The following LRRC51 variants were observed in gnomAD, a reference collection of about 807,000 sequenced individuals.
LRRC51 encodes leucine rich repeat containing 51.
A neutral mutation model predicts 17.8 loss-of-function variants in LRRC51; 8 were observed. The observed-to-expected ratio is 0.45, with a 90% CI of 0.26 to 0.81. LRRC51 has a LOEUF of 0.81. LRRC51 is among the 30% of genes least tolerant of loss of function. The pLI, the probability that LRRC51 is intolerant of heterozygous loss-of-function variation, is 0.17. For missense variants in LRRC51, 233 were observed against 239.3 expected (o/e 0.97, Z 0.17); for synonymous variants, 92 against 96.0 (o/e 0.96, Z 0.24).
chr11:72,092,943 T>C (rs1944947643), intron 3 of LRRC51, among the ~76,000 whole-genome samples: 1 of 152,234 alleles, frequency 6.6e-6, no homozygotes, highest in Non-Finnish European at 1.5e-5. Flanking sequence ...ATCTTGCCCA[T>C]ATAAGCTCCT....
chr11:72,094,284 CAAAA>C (rs1280494529), intron 4 of LRRC51, among the ~76,000 whole-genome samples: 1 of 81,308 alleles, frequency 1.2e-5, no homozygotes, highest in African/African-American at 4.4e-5. Context: ...GACTCCGTCT[CAAAA>C]AAAAAAAAAA....
At chr11:72,081,247 C>G (rs913359554) in intron 1 of LRRC51, among the ~76,000 whole-genome samples, 1 of 152,160 alleles carries the variant, frequency 6.6e-6, no homozygotes, top group African/African-American at 2.4e-5. Flanking sequence ...ATGGCGAACC[C>G]TGTCTCTACC....
chr11:72,084,048 G>A (rs1217575411), intron 1 of LRRC51, among the ~76,000 whole-genome samples: 1 of 152,206 alleles, frequency 6.6e-6, no homozygotes, highest in African/African-American at 2.4e-5. Flanking sequence ...CCAGACTGGA[G>A]TGCAGTGGCA....
intron 3 of LRRC51, chr11:72,089,661 G>C: frequency 3.2e-5 from 33 of 1,031,216 alleles, no homozygotes; most frequent in Non-Finnish European, 3.5e-5. Context: ...AACATGAGGG[G>C]TCTTATCTAC....
At chr11:72,084,823 C>T (rs1299113269) in intron 1 of LRRC51, among the ~76,000 whole-genome samples, 10 of 116,346 alleles carry the variant, frequency 8.6e-5, no homozygotes, top group African/African-American at 3.5e-4. Flanking sequence ...CACAACAGAG[C>T]GAGACCTTGT....
intron 3 of LRRC51, among the ~76,000 whole-genome samples, chr11:72,091,979 G>A (rs1944890449): frequency 6.6e-6 from 1 of 152,164 alleles, no homozygotes; most frequent in Non-Finnish European, 1.5e-5. Flanking sequence ...GGACTTCTAA[G>A]TTGCCAAAAT....
intron 4 of LRRC51, 130 bp downstream of exon 4, chr11:72,093,831 A>T (rs1945002513): frequency 2.2e-6 from 2 of 903,188 alleles, no homozygotes. Flanking sequence ...GCACAAGGCT[A>T]GGGGGCCAGA....
At position 72,095,513 on chromosome 11, in the gene LRRC51, C is replaced by T. The variant is rs1275930482; in HGVS notation, c.572C>T (p.Thr191Ile). The T allele has an allele frequency of 6.2e-7, 1 of 1,613,790 alleles. No individual in the cohort carries two copies. Among genetic ancestry groups the T allele is most frequent in the East Asian group, 2.2e-5 (1 of 44,866 alleles). Residue 191 changes from threonine to isoleucine, a missense_variant, in exon 6 of 6, where the codon ACA (threonine) becomes ATA (isoleucine). By Grantham distance (89) the Thr-to-Ile change is moderately conservative (BLOSUM62 -1). Transcript: ENST00000289488. ...KPKKAWTKQN[T>I]L is the part of the protein sequence containing the mutation. ...AAGAAGGCCTGGACCAAGCAGAATA[C>T]ACTTTGAGGCTCCCACGACCCTAGT...
chr11:72,087,023 TAA>T lies in LRRC51; in HGVS notation c.-139-1271_-139-1270del, dbSNP rs560186295. ...GTTGTCTGCCTGTAGATTTAATATC[TAA>T]AAGATTCAAGTCTCCCTAATTGACA... On this transcript the variant is annotated intron_variant, in intron 1 of 5. Transcript: ENST00000289488. Among the ~76,000 whole-genome samples the T allele has an allele frequency of 7.9e-5, 12 of 152,334 alleles. No individual in the cohort carries two copies. In the South Asian group the frequency reaches 2.1e-3, roughly 26 times the overall value.
intron 1 of LRRC51, 140 bp downstream of exon 1, chr11:72,081,025 A>G (rs3018301): frequency 0.81 from 123,647 of 152,732 alleles, 52,201 homozygotes; most frequent in Non-Finnish European, 0.94. Context: ...CACCTTTCAC[A>G]GCGAACAAGA....
intron 3 of LRRC51, 27 bp downstream of exon 3, chr11:72,089,192 C>A (rs781154532): frequency 1.9e-6 from 3 of 1,614,018 alleles, no homozygotes; most frequent in South Asian, 2.2e-5. Context: ...CAGTACTCCA[C>A]TCACTAAGGC....
In LRRC51 at chr11:72,095,586, T is replaced by C; in HGVS notation, c.*66T>C. On this transcript the variant is annotated 3_prime_UTR_variant, in exon 6 of 6. Coordinates refer to ENST00000289488, the MANE Select transcript of LRRC51 (RefSeq NM_145309.6). ...ACAGCATGGTTTGACAATAAATAATTTGAGCTGTTGAGCAGATGAGAAGTC... is the reference window on the plus strand; with the variant it reads ...ACAGCATGGTTTGACAATAAATAATCTGAGCTGTTGAGCAGATGAGAAGTC... 1.3e-6 allele frequency: 2 copies of C among 1,571,784 alleles called. No homozygotes were observed. Among genetic ancestry groups the C allele is most frequent in the Admixed American group, 3.8e-5 (2 of 53,178 alleles).
intron 3 of LRRC51, among the ~76,000 whole-genome samples, chr11:72,092,147 G>T (rs1014056888): frequency 1.3e-4 from 20 of 151,964 alleles, no homozygotes; most frequent in Admixed American, 5.2e-4. Flanking sequence ...CTCTCCCTGA[G>T]GAATCTCATC....
In LRRC51 at chr11:72,093,601, A is replaced by T; in HGVS notation, c.188A>T (p.Asp63Val). The stretch of plus-strand genomic sequence containing the variant: ...TGGCTGAATAACAATGTTCTCAATG[A>T]TCTGAGAGACTTCAACCAGGTGGCT... Reference protein sequence around the residue: ...SLWLNNNVLNDLRDFNQVASQ... With the variant: ...SLWLNNNVLNVLRDFNQVASQ... Residue 63 changes from aspartate to valine, a missense_variant, in exon 4 of 6, where the codon GAT becomes GTT. By Grantham distance (152) the Asp-to-Val change is radical. Transcript: ENST00000289488. 6.2e-7 allele frequency: 1 copy of T among 1,614,208 alleles called. No individual in the cohort carries two copies.
At chr11:72,081,256 C>A (rs562231568) in intron 1 of LRRC51, among the ~76,000 whole-genome samples, 11 of 152,164 alleles carry the variant, frequency 7.2e-5, no homozygotes, top group African/African-American at 2.6e-4. Context: ...CCTGTCTCTA[C>A]CAAAAACATA....
chr11:72,083,497 A>C (rs1347070911), intron 1 of LRRC51, among the ~76,000 whole-genome samples: 1 of 152,020 alleles, frequency 6.6e-6, no homozygotes, highest in Non-Finnish European at 1.5e-5. Flanking sequence ...TCTCCTTTGT[A>C]GTATTATTTA....
At position 72,089,257 on chromosome 11, in the gene LRRC51, G is replaced by A. The variant is rs1319984949; in HGVS notation, c.82+92G>A. ...ACCATAATCTACTTAAAAGCCTAAA[G>A]AGATTCTTCCCATATGCTTGCAGAT... is the stretch of plus-strand genomic sequence containing the variant. On this transcript the variant is annotated intron_variant, in intron 3 of 5. Coordinates refer to ENST00000289488, the MANE Select transcript of LRRC51 (RefSeq NM_145309.6). 3 of 1,592,614 alleles carry A rather than the reference G, an allele frequency of 1.9e-6. No homozygotes were observed. In the African/African-American group the frequency reaches 4.0e-5, roughly 21 times the overall value.
At chr11:72,086,211 A>G in intron 1 of LRRC51, 1 of 584,722 alleles carries the variant, frequency 1.7e-6, no homozygotes, top group Non-Finnish European at 3.0e-6. Context: ...GAGTGTTGAA[A>G]CATGAGAGAG....
At chr11:72,086,676 C>G (rs1944549382) in intron 1 of LRRC51, among the ~76,000 whole-genome samples, 1 of 152,192 alleles carries the variant, frequency 6.6e-6, no homozygotes, top group African/African-American at 2.4e-5. Context: ...ATTTTTAATA[C>G]TAATCCATTC....
Sources: allele counts gnomAD v4.1 joint callset (sites outside exome capture counted in the v4.1 genomes callset), GRCh38; gene constraint gnomAD v4.1.1; transcripts MANE v1.5; gene names NCBI Gene and HGNC (gene_info 2026-07-23, HGNC 2026-07-21).